Variants in ANGEL1 observed in about 807,000 individuals in gnomAD.
The protein encoded by ANGEL1 is angel homolog 1, also known as RNA 2',3'-cyclic phosphatase ANGEL1.
Under a neutral mutation model 76.4 loss-of-function variants are expected in ANGEL1, and 62 were observed. The observed-to-expected ratio is 0.81, with a 90% CI of 0.66 to 1.00. The LOEUF is 1.00. ANGEL1 is among the 50% of genes least tolerant of loss of function. The pLI, the probability that ANGEL1 is intolerant of heterozygous loss-of-function variation, is 0.00. For synonymous variants in ANGEL1, 340 were observed against 331.7 expected (o/e 1.03, Z -0.27); for missense variants, 737 against 836.7 (o/e 0.88, Z 1.47).
chr14:76,808,447 G>A (rs113746282), intron 2 of ANGEL1, among the ~76,000 whole-genome samples: 9 of 147,870 alleles, frequency 6.1e-5, no homozygotes, highest in Non-Finnish European at 7.7e-5. Flanking sequence ...ATGAATCTCC[G>A]GAGAATCACT....
chr14:76,798,425 C>A (rs1894649264), intron 7 of ANGEL1, among the ~76,000 whole-genome samples: 1 of 152,058 alleles, frequency 6.6e-6, no homozygotes, highest in Non-Finnish European at 1.5e-5. Context: ...CTGTACCCAG[C>A]CTCTGCCAGT....
intron 4 of ANGEL1, 91 bp from the exon 5 acceptor site, chr14:76,806,940 T>A: frequency 7.4e-7 from 1 of 1,352,186 alleles, no homozygotes; most frequent in Non-Finnish European, 1.0e-6. Context: ...TGTATGCCCC[T>A]GAGGCATTGT....
intron 5 of ANGEL1, 130 bp from the exon 6 acceptor site, chr14:76,804,042 A>G (rs1261150327): frequency 1.3e-6 from 2 of 1,575,832 alleles, no homozygotes; most frequent in African/African-American, 2.7e-5. Flanking sequence ...ATAAACAAGC[A>G]TATAAGTCTC....
intron 1 of ANGEL1, 47 bp from the exon 2 acceptor site, chr14:76,809,690 C>T (rs1449863746): frequency 3.4e-6 from 5 of 1,487,362 alleles, no homozygotes; most frequent in Non-Finnish European, 4.6e-6. Flanking sequence ...TCATCCAACC[C>T]ACACTATTCT....
At chr14:76,808,891 G>A (rs1895000556) in intron 2 of ANGEL1, among the ~76,000 whole-genome samples, 168 bp downstream of exon 2, 2 of 152,158 alleles carry the variant, frequency 1.3e-5, no homozygotes, top group South Asian at 4.2e-4. Context: ...CCATGGGGCT[G>A]GATGAGATGA....
At position 76,808,139 on chromosome 14, in the gene ANGEL1, C is replaced by G; in HGVS notation, c.659G>C (p.Trp220Ser). Residue 220 changes from tryptophan (W) to serine (S), a missense_variant, in exon 3 of 10, where the codon TGG becomes TCG. By Grantham distance (177) the Trp-to-Ser change is radical. Coordinates refer to ENST00000251089, the MANE Select transcript of ANGEL1 (RefSeq NM_015305.4). ...GGTGGAGAAATCCTCCCATTCTCGC[C>G]ACAAAATTTCTGCAAAGGATTGGGA... ...AVEIPYHEIL[W>S]REWEDFSTQP... 6.2e-7 allele frequency: 1 copy of G among 1,613,438 alleles called. No homozygotes were observed. The highest frequency in any genetic ancestry group is 8.5e-7 in the Non-Finnish European group (1 of 1,179,910).
At chr14:76,809,734 C>A in intron 1 of ANGEL1, 91 bp from the exon 2 acceptor site, 1 of 1,040,554 alleles carries the variant, frequency 9.6e-7, no homozygotes, top group South Asian at 1.6e-5. Context: ...AAAAGCAAGA[C>A]CCATATCCAC....
rs1895017607 is a variant in ANGEL1 at position 76,809,398 on chromosome 14, C to T, written c.310G>A (p.Ala104Thr). Residue 104 changes from alanine (A) to threonine (T), a missense_variant, in exon 2 of 10, where the codon GCT becomes ACT. Transcript: ENST00000251089. Reference protein sequence around the residue: ...LMDNPGEENAASEDRWSSRQL... With the variant: ...LMDNPGEENATSEDRWSSRQL... ...CTGCTGGACCACCTGTCCTCTGAAG[C>T]AGCATTCTCTTCTCCAGGATTATCC... 2 of 1,614,138 alleles carry T rather than the reference C, an allele frequency of 1.2e-6. No homozygotes were observed. Among genetic ancestry groups the T allele is most frequent in the South Asian group, 1.1e-5 (1 of 91,096 alleles).
Position 76,812,193 on chromosome 14 carries a change from T to C in ANGEL1, c.64+571A>G, listed in dbSNP as rs535507965. 2,063 of 972,046 alleles carry C rather than the reference T, an allele frequency of 2.1e-3. 3 individuals carry two copies. Among genetic ancestry groups the C allele is most frequent in the Non-Finnish European group, 2.4e-3 (1,964 of 817,608 alleles). The allele number at this position is 972,046 out of a possible 1,614,324, so 60.2% of individuals were successfully genotyped here. On this transcript the variant is annotated intron_variant, in intron 1 of 9. Transcript: ENST00000251089. ...AAACCGCCGGGAGTGGGGGCAGGAA[T>C]GCTCCAAAGCTGAGATCTAAATGTG...
In ANGEL1 at chr14:76,788,376, A is replaced by G. The variant is rs1442010831; in HGVS notation, c.*852T>C. The stretch of plus-strand genomic sequence containing the variant: ...AACCTCATACCACTACCCTAGCCCA[A>G]TGAACCCCACATAAGGGTTCAAACT... On this transcript the variant is annotated 3_prime_UTR_variant, in exon 10 of 10. Transcript: ENST00000251089. The G allele has an allele frequency of 6.6e-6, 1 of 152,232 alleles. No homozygotes were observed. Among genetic ancestry groups the G allele is most frequent in the Non-Finnish European group, 1.5e-5 (1 of 68,066 alleles). 9.4% of individuals were successfully genotyped at this position (152,232 alleles called of 1,614,324 possible).
chr14:76,791,323 T>A lies in ANGEL1; in HGVS notation c.1662A>T (p.Ala554=). ...GWAESVLEED[A]SELEPAFSRT... is the part of the protein sequence containing the mutation. ...TGGAGAAGGCAGGCTCAAGCTCCGA[T>A]GCATCTTCCTCAAGGACAGACTCAG... The change falls in exon 8 of 10, where the codon GCA becomes GCT. Residue 554 remains alanine (A), a synonymous_variant. Transcript: ENST00000251089. 6.2e-7 allele frequency: 1 copy of A among 1,614,134 alleles called. No homozygotes were observed. Among genetic ancestry groups the A allele is most frequent in the South Asian group, 1.1e-5 (1 of 91,078 alleles).
In ANGEL1 at chr14:76,803,774, A is replaced by G. The variant is rs1490365442; in HGVS notation, c.1507+12T>C. On this transcript the variant is annotated intron_variant, in intron 6 of 9. Transcript: ENST00000251089. ...GAAGACACAGCCAACCAAGAATGTG[A>G]CATGTGCTCACCTGATCTCTTGGGG... 1 of 1,593,556 alleles carries G rather than the reference A, an allele frequency of 6.3e-7. No homozygotes were observed. The highest frequency in any genetic ancestry group is 1.3e-5 in the African/African-American group (1 of 74,266).
intron 1 of ANGEL1, among the ~76,000 whole-genome samples, chr14:76,811,743 A>G (rs1895092945): frequency 6.6e-6 from 1 of 152,214 alleles, no homozygotes; most frequent in Non-Finnish European, 1.5e-5. Flanking sequence ...CTGAGTGCCT[A>G]CTGTATACCA....
At chr14:76,799,417 C>G (rs1312193995) in intron 7 of ANGEL1, among the ~76,000 whole-genome samples, 1 of 150,978 alleles carries the variant, frequency 6.6e-6, no homozygotes, top group Non-Finnish European at 1.5e-5. Flanking sequence ...CCTCAGCCTC[C>G]CGAGTAGCTG....
chr14:76,798,660 G>T (rs1474666605), intron 7 of ANGEL1, among the ~76,000 whole-genome samples: 1 of 152,062 alleles, frequency 6.6e-6, no homozygotes, highest in East Asian at 1.9e-4. Flanking sequence ...TACAAAGGGG[G>T]TTGGGAGCTG....
In ANGEL1 at chr14:76,791,326, A is replaced by G. The variant is rs372266603; in HGVS notation, c.1659T>C (p.Asp553=). The G allele has an allele frequency of 1.2e-5, 19 of 1,614,042 alleles. No homozygotes were observed. In the African/African-American group the frequency reaches 1.5e-4, roughly 12 times the overall value. Residue 553 remains aspartate, a synonymous_variant, in exon 8 of 10, where the codon GAT becomes GAC. Transcript: ENST00000251089. ...AGWAESVLEE[D]ASELEPAFSR... is the part of the protein sequence containing the mutation. ...AGAAGGCAGGCTCAAGCTCCGATGC[A>G]TCTTCCTCAAGGACAGACTCAGCCC...
At chr14:76,796,282 G>T (rs1595297592) in intron 7 of ANGEL1, among the ~76,000 whole-genome samples, 2 of 144,244 alleles carry the variant, frequency 1.4e-5, no homozygotes. Flanking sequence ...TTTGAGATAG[G>T]GTCTCACTCT....
rs1411520970 is a variant in ANGEL1, at chr14:76,809,060, A to G, written c.648T>C (p.His216=). Residue 216 remains histidine, a splice_region_variant and synonymous_variant, in exon 2 of 10, where the codon CAT becomes CAC. Coordinates refer to ENST00000251089, the MANE Select transcript of ANGEL1 (RefSeq NM_015305.4). ...LQPPAVEIPY[H]EILWREWEDF... ...CACTCAACCAGTTGTCAGACTCACC[A>G]TGATATGGTATTTCCACTGCGGGAG... 1 of 1,607,252 alleles carries G rather than the reference A, an allele frequency of 6.2e-7. No individual in the cohort carries two copies. The highest frequency in any genetic ancestry group is 8.5e-7 in the Non-Finnish European group (1 of 1,175,712).
chr14:76,796,610 A>G (rs1894586031), intron 7 of ANGEL1, among the ~76,000 whole-genome samples: 1 of 152,150 alleles, frequency 6.6e-6, no homozygotes, highest in African/African-American at 2.4e-5. Flanking sequence ...ACATATGATC[A>G]ATTCCTAAGA....
Sources: allele counts gnomAD v4.1 joint callset (sites outside exome capture counted in the v4.1 genomes callset), GRCh38; gene constraint gnomAD v4.1.1; transcripts MANE v1.5; gene names NCBI Gene and HGNC (gene_info 2026-07-23, HGNC 2026-07-21).